CRYBG3: variants seen among roughly 807,000 people sequenced by gnomAD.
The protein encoded by CRYBG3 is very large A-kinase anchor protein.
CRYBG3 carries 127 observed loss-of-function variants against 244.2 expected under a neutral mutation model. The ratio of observed to expected loss-of-function variants is 0.52; its 90% CI spans 0.45 to 0.60. The LOEUF (loss-of-function observed/expected upper bound fraction) is 0.60. Ranked by LOEUF, CRYBG3 falls within the 20% of genes least tolerant of loss-of-function variation. The probability of loss-of-function intolerance (pLI) is 0.00; values close to 1 mark genes in which losing one functional copy is unlikely to be tolerated. For synonymous variants in CRYBG3, 1,132 were observed against 1,195.8 expected, an observed-to-expected ratio of 0.95 and a Z score of 1.10; for missense variants, 3,325 against 3,442.5, an observed-to-expected ratio of 0.97 and a Z score of 0.85.
intron 9 of CRYBG3, 56 bp from the exon 10 acceptor site, chr3:97,889,299 A>G (rs1429677353): frequency 7.5e-7 from 1 of 1,326,504 alleles, no homozygotes; most frequent in Non-Finnish European, 1.1e-6. Flanking sequence ...CAGATATTAC[A>G]TTCAAATGTT....
intron 2 of CRYBG3, among the ~76,000 whole-genome samples, chr3:97,847,435 A>G (rs1400195589): frequency 2.6e-5 from 4 of 152,230 alleles, no homozygotes; most frequent in African/African-American, 7.2e-5. Flanking sequence ...AAGTCACTTG[A>G]CACAACTCCC....
intron 16 of CRYBG3, among the ~76,000 whole-genome samples, chr3:97,914,117 T>G (rs2039901910): frequency 6.6e-6 from 1 of 152,226 alleles, no homozygotes; most frequent in African/African-American, 2.4e-5. Flanking sequence ...TTCCTTCTCC[T>G]ATTTCCTATA....
At chr3:97,863,989 C>A (rs1169043404) in intron 2 of CRYBG3, among the ~76,000 whole-genome samples, 1 of 152,106 alleles carries the variant, frequency 6.6e-6, no homozygotes, top group African/African-American at 2.4e-5. Context: ...GCTCTGGGCT[C>A]CCATGTGTGC....
chr3:97,864,937 A>G (rs891868240), intron 3 of CRYBG3, among the ~76,000 whole-genome samples: 11 of 152,084 alleles, frequency 7.2e-5, no homozygotes, highest in South Asian at 4.1e-4. Context: ...AGGACAGGCA[A>G]TGTATTCAAT....
intron 20 of CRYBG3, 66 bp from the exon 21 acceptor site, chr3:97,942,218 G>A (rs2040246810): frequency 7.1e-7 from 1 of 1,418,030 alleles, no homozygotes; most frequent in Admixed American, 2.0e-5. Flanking sequence ...TAAGATAAAA[G>A]GGACCTAATT....
intron 1 of CRYBG3, among the ~76,000 whole-genome samples, chr3:97,829,285 C>T (rs2038622179): frequency 6.6e-6 from 1 of 152,184 alleles, no homozygotes; most frequent in South Asian, 2.1e-4. Flanking sequence ...TATTTTGACA[C>T]TTTGTACAAG....
At chr3:97,866,109 T>A (rs1269827760) in intron 3 of CRYBG3, among the ~76,000 whole-genome samples, 1 of 152,102 alleles carries the variant, frequency 6.6e-6, no homozygotes, top group Non-Finnish European at 1.5e-5. Flanking sequence ...ATCAAGGAAA[T>A]GCAAACTAAA....
intron 15 of CRYBG3, among the ~76,000 whole-genome samples, chr3:97,910,818 C>T (rs936796302): frequency 6.6e-6 from 1 of 152,216 alleles, no homozygotes; most frequent in African/African-American, 2.4e-5. Flanking sequence ...AGAAATGTCT[C>T]TGCATTTTTT....
At position 97,872,403 on chromosome 3, in the gene CRYBG3, A is replaced by G. The variant is rs1358867176; in HGVS notation, c.1209A>G (p.Thr403=). Residue 403 remains threonine, a synonymous_variant, in exon 4 of 22, where the codon ACA becomes ACG. Transcript: ENST00000389622. ...PCSPDFQRVT[T]TENTIKENST... ...GCCCAGATTTTCAGAGAGTAACTAC[A>G]ACAGAAAATACGATAAAAGAAAACA... is the stretch of plus-strand genomic sequence containing the variant. 6.5e-7 allele frequency: 1 copy of G among 1,535,924 alleles called. No homozygotes were observed. Among genetic ancestry groups the G allele is most frequent in the Non-Finnish European group, 8.7e-7 (1 of 1,146,800 alleles).
chr3:97,935,309 A>C (rs1169896415), intron 18 of CRYBG3, among the ~76,000 whole-genome samples: 1 of 152,110 alleles, frequency 6.6e-6, no homozygotes, highest in Non-Finnish European at 1.5e-5. Flanking sequence ...CTGACAGTTT[A>C]AAGAATCTGC....
At position 97,874,155 on chromosome 3, in the gene CRYBG3, A is replaced by T. The variant is rs962883998; in HGVS notation, c.2961A>T (p.Glu987Asp). Residue 987 changes from glutamate to aspartate, a missense_variant, in exon 4 of 22, where the codon GAA becomes GAT. By Grantham distance (45) the Glu-to-Asp change is conservative. This residue lies in a region of CRYBG3 where 1,526 missense variants were observed against 1,443.2 expected (regional missense o/e 1.06). Transcript: ENST00000389622. ...KKISGHSEMA[E>D]LSLTNISPKF... ...TTTCTGGTCACTCAGAAATGGCGGA[A>T]CTCAGCTTAACTAATATTTCCCCTA... The T allele has an allele frequency of 6.5e-7, 1 of 1,531,560 alleles. No homozygotes were observed. The highest frequency in any genetic ancestry group is 1.4e-5 in the African/African-American group (1 of 72,780). The allele number at this position is 1,531,560 out of a possible 1,614,324, so 94.9% of individuals were successfully genotyped here.
At chr3:97,912,034 T>C (rs1379864265) in intron 15 of CRYBG3, 133 bp from the exon 16 acceptor site, 6 of 467,940 alleles carry the variant, frequency 1.3e-5, no homozygotes, top group Admixed American at 4.1e-5. Context: ...CATGAATTCA[T>C]TGATAATAGA....
rs745644960 is a variant in CRYBG3, at chr3:97,886,703, G to A, written c.7225G>A (p.Ala2409Thr). The change falls in exon 8 of 22, where the codon GCA becomes ACA. Residue 2409 changes from alanine to threonine, a missense_variant. Coordinates refer to ENST00000389622, the MANE Select transcript of CRYBG3 (RefSeq NM_153605.4). ...CTGTTGTCCTGTCTACATACAGAGAGCAGTCCCCAATTTGGAAGAACTGAA... is the reference window on the plus strand; with the variant it reads ...CTGTTGTCCTGTCTACATACAGAGAACAGTCCCCAATTTGGAAGAACTGAA... ...PACCPVYIQR[A>T]VPNLEELNIS... is the part of the protein sequence containing the mutation. 2 of 1,612,672 alleles carry A rather than the reference G, an allele frequency of 1.2e-6. No homozygotes were observed. The highest frequency in any genetic ancestry group is 8.5e-7 in the Non-Finnish European group (1 of 1,179,332).
intron 2 of CRYBG3, among the ~76,000 whole-genome samples, chr3:97,852,816 T>C (rs2039006697): frequency 6.6e-6 from 1 of 152,174 alleles, no homozygotes; most frequent in African/African-American, 2.4e-5. Flanking sequence ...AGTTCCCTTT[T>C]CTCTACATAC....
At chr3:97,933,866 G>A in intron 18 of CRYBG3, 33 bp downstream of exon 18, 1 of 1,599,578 alleles carries the variant, frequency 6.3e-7, no homozygotes, top group Non-Finnish European at 8.6e-7. Context: ...GTCTGGTTCA[G>A]TTACTGTTTT....
At chr3:97,845,929 G>C (rs555346682) in intron 2 of CRYBG3, among the ~76,000 whole-genome samples, 1 of 152,232 alleles carries the variant, frequency 6.6e-6, no homozygotes, top group South Asian at 2.1e-4. Context: ...ATGAAAGTCT[G>C]TCTTAAGCAT....
intron 1 of CRYBG3, among the ~76,000 whole-genome samples, chr3:97,842,639 C>T (rs1392931039): frequency 6.6e-6 from 1 of 152,098 alleles, no homozygotes; most frequent in Non-Finnish European, 1.5e-5. Flanking sequence ...GTATTCCAGA[C>T]TAAAGACAGT....
chr3:97,908,784 G>A (rs976967982), intron 15 of CRYBG3, among the ~76,000 whole-genome samples: 2 of 152,114 alleles, frequency 1.3e-5, no homozygotes, highest in African/African-American at 2.4e-5. Context: ...ACTTGATCCT[G>A]TCATTATGAT....
At chr3:97,822,420 C>T (rs2038515139) in intron 1 of CRYBG3, 65 bp downstream of exon 1, 33 of 1,363,646 alleles carry the variant, frequency 2.4e-5, no homozygotes, top group Non-Finnish European at 3.1e-5. Flanking sequence ...GGCTCCCGGC[C>T]TGACCGCCGG....
Sources: gnomAD v4.1 joint callset for allele counts (sites outside exome capture counted in the v4.1 genomes callset) on GRCh38, gnomAD v4.1.1 for gene constraint, gnomAD v4.1.1 regional missense constraint, MANE v1.5 for transcripts, NCBI Gene and HGNC (gene_info 2026-07-23, HGNC 2026-07-21) for gene names.